The following UQCC1 variants were observed in gnomAD, a reference collection of about 807,000 sequenced individuals.
UQCC1 encodes the protein bFGF-repressed Zic-binding protein.
A neutral mutation model predicts 48.0 loss-of-function variants in UQCC1; 38 were observed. That is an observed-to-expected ratio of 0.79 (90% CI 0.61 to 1.04). The LOEUF (loss-of-function observed/expected upper bound fraction) is 1.04. Among genes scored for constraint, UQCC1 ranks in the 50% least tolerant of loss-of-function variants. The pLI is 0.00. For missense variants in UQCC1, 368 were observed against 381.8 expected, an observed-to-expected ratio of 0.96 and a Z score of 0.30; for synonymous variants, 111 against 129.2, an observed-to-expected ratio of 0.86 and a Z score of 0.95.
intron 8 of UQCC1, among the ~76,000 whole-genome samples, chr20:35,311,294 C>A (rs1412598188): frequency 6.6e-6 from 1 of 152,168 alleles, no homozygotes; most frequent in Non-Finnish European, 1.5e-5. Context: ...TCACAGAAAA[C>A]AGGGAGGTTC....
chr20:35,366,744 C>A, intron 5 of UQCC1, 130 bp from the exon 6 acceptor site: 2 of 698,848 alleles, frequency 2.9e-6, no homozygotes, highest in South Asian at 3.9e-5. Context: ...TCCAGTAGAA[C>A]AATAGGGCGA....
chr20:35,391,292 C>T (rs2062011656), intron 2 of UQCC1, among the ~76,000 whole-genome samples: 1 of 152,078 alleles, frequency 6.6e-6, no homozygotes, highest in African/African-American at 2.4e-5. Context: ...CTGACTAGTA[C>T]TCTTCAAAAG....
chr20:35,346,620 C>T, intron 7 of UQCC1: 1 of 168,278 alleles, frequency 5.9e-6, no homozygotes, highest in Non-Finnish European at 1.3e-5. Context: ...TCCCATGTGA[C>T]ATATATATAT....
chr20:35,378,380 G>A (rs1292061809), intron 4 of UQCC1, among the ~76,000 whole-genome samples: 12 of 152,270 alleles, frequency 7.9e-5, no homozygotes, highest in Admixed American at 5.2e-4. Context: ...TTGAGAGGCC[G>A]AGGTGGGCGG....
Position 35,388,308 on chromosome 20 carries a change from T to TTG in UQCC1, c.130-4176_130-4175insCA, listed in dbSNP as rs67663221. On this transcript the variant is annotated intron_variant, in intron 2 of 9. Coordinates refer to ENST00000374385, the MANE Select transcript of UQCC1 (RefSeq NM_018244.5). The stretch of plus-strand genomic sequence containing the variant: ...TTCTATTTCTTTTTTTCTTTTTTTT[T>TTG]GAGACAGGGTCTTGCTCTGTCACCC... Among the ~76,000 whole-genome samples the TTG allele has an allele frequency of 1.1e-4, 13 of 121,244 alleles. 1 individual carries two copies. Among genetic ancestry groups the TTG allele is most frequent in the Non-Finnish European group, 1.5e-4 (9 of 60,392 alleles). The allele number at this position is 121,244 out of a possible 152,430, so 79.5% of individuals were successfully genotyped here. A position where few individuals can be genotyped will look rare whatever the true frequency, so the allele number is the denominator to read the frequency against.
chr20:35,402,008 T>A (rs968307888), intron 1 of UQCC1, among the ~76,000 whole-genome samples: 1 of 152,068 alleles, frequency 6.6e-6, no homozygotes, highest in Non-Finnish European at 1.5e-5. Flanking sequence ...CCAAATGCCA[T>A]GGATACTAAC....
At chr20:35,329,494 C>T (rs992254887) in intron 7 of UQCC1, among the ~76,000 whole-genome samples, 4 of 152,216 alleles carry the variant, frequency 2.6e-5, no homozygotes, top group Non-Finnish European at 5.9e-5. Flanking sequence ...AGTCCCTCCA[C>T]TCTAGCTGGG....
At chr20:35,355,255 C>T (rs2061534539) in intron 6 of UQCC1, among the ~76,000 whole-genome samples, 1 of 152,206 alleles carries the variant, frequency 6.6e-6, no homozygotes, top group Non-Finnish European at 1.5e-5. Flanking sequence ...TAAAACTCTA[C>T]CGCAAATCTC....
intron 7 of UQCC1, among the ~76,000 whole-genome samples, chr20:35,319,108 A>G (rs2061094765): frequency 6.6e-6 from 1 of 152,130 alleles, no homozygotes; most frequent in African/African-American, 2.4e-5. Flanking sequence ...AGTTACTCAT[A>G]TTTTCCCATT....
chr20:35,328,433 T>C (rs1003868526), intron 7 of UQCC1, among the ~76,000 whole-genome samples: 14 of 152,244 alleles, frequency 9.2e-5, no homozygotes, highest in Non-Finnish European at 1.5e-4. Context: ...CTCTCAGGCA[T>C]TGTTTAAAGA....
chr20:35,323,825 A>G (rs73267711), intron 7 of UQCC1, among the ~76,000 whole-genome samples: 4,369 of 152,262 alleles, frequency 0.029, 222 homozygotes, highest in African/African-American at 0.098. Flanking sequence ...ACTCTTTCCC[A>G]TTTCCACGAG....
intron 1 of UQCC1, among the ~76,000 whole-genome samples, chr20:35,397,472 C>T (rs73616656): frequency 0.076 from 10,741 of 140,826 alleles, 517 homozygotes; most frequent in South Asian, 0.22. Flanking sequence ...GCCAAGATCA[C>T]GCCACTGCAC....
intron 7 of UQCC1, among the ~76,000 whole-genome samples, chr20:35,319,257 A>ATT (rs2061095981): frequency 6.6e-6 from 1 of 152,220 alleles, no homozygotes; most frequent in African/African-American, 2.4e-5. Context: ...TAATGACTTA[A>ATT]TTAAATTTTT....
chr20:35,328,004 A>G (rs2061214882), intron 7 of UQCC1, among the ~76,000 whole-genome samples: 1 of 120,058 alleles, frequency 8.3e-6, no homozygotes, highest in Non-Finnish European at 1.7e-5. Flanking sequence ...TTGTCTCACA[A>G]AAAAAGGAAA....
chr20:35,375,016 A>T (rs904381289), intron 4 of UQCC1, among the ~76,000 whole-genome samples: 26 of 152,278 alleles, frequency 1.7e-4, no homozygotes, highest in Admixed American at 1.6e-3. Flanking sequence ...CCAACTCAGC[A>T]CTCTAGGAAC....
Position 35,366,700 on chromosome 20 carries a change from T to G in UQCC1, c.407-86A>C, listed in dbSNP as rs944043328. 6.0e-5 allele frequency: 69 copies of G among 1,153,896 alleles called. 1 individual carries two copies. The highest frequency in any genetic ancestry group is 6.4e-6 in the Non-Finnish European group (5 of 776,734). The allele number at this position is 1,153,896 out of a possible 1,614,324, so 71.5% of individuals were successfully genotyped here. A position where few individuals can be genotyped will look rare whatever the true frequency, so the allele number is the denominator to read the frequency against. Reference sequence around the variant, plus strand: ...ATTAAATATTGGCAGGCACGGCACTTATGGTGCTCTCTGATTATGCTATTG... The same window carrying G: ...ATTAAATATTGGCAGGCACGGCACTGATGGTGCTCTCTGATTATGCTATTG... On this transcript the variant is annotated intron_variant, in intron 5 of 9. Transcript: ENST00000374385.
At chr20:35,322,913 T>A (rs2061147054) in intron 7 of UQCC1, among the ~76,000 whole-genome samples, 1 of 151,478 alleles carries the variant, frequency 6.6e-6, no homozygotes, top group Non-Finnish European at 1.5e-5. Context: ...AGTGGGACCA[T>A]CTCGGCTCAC....
At chr20:35,394,499 T>G (rs191156905) in intron 1 of UQCC1, among the ~76,000 whole-genome samples, 340 of 152,130 alleles carry the variant, frequency 2.2e-3, no homozygotes, top group African/African-American at 7.7e-3. Context: ...CCCCAACTCC[T>G]CAAGGCATCC....
At chr20:35,382,070 T>G (rs1169759434) in intron 3 of UQCC1, 45 bp from the exon 4 acceptor site, 1 of 1,287,510 alleles carries the variant, frequency 7.8e-7, no homozygotes, top group African/African-American at 1.5e-5. Context: ...TGCAAAAAAT[T>G]TTTAATAGAA....
Sources: allele counts gnomAD v4.1 joint callset (sites outside exome capture counted in the v4.1 genomes callset), GRCh38; gene constraint gnomAD v4.1.1; transcripts MANE v1.5; gene names NCBI Gene and HGNC (gene_info 2026-07-23, HGNC 2026-07-21).